TENM2: variants seen among roughly 807,000 people sequenced by gnomAD.
TENM2 encodes the protein teneurin-2.
Under a neutral mutation model 245.2 loss-of-function variants are expected in TENM2, and 52 were observed. The ratio of observed to expected loss-of-function variants is 0.21; its 90% CI spans 0.17 to 0.27. The LOEUF is 0.27. Ranked by LOEUF, TENM2 falls within the 10% of genes least tolerant of loss-of-function variation. The probability of loss-of-function intolerance (pLI) is 1.00; values close to 1 mark genes in which losing one functional copy is unlikely to be tolerated. For synonymous variants in TENM2, 1,363 were observed against 1,438.9 expected, an observed-to-expected ratio of 0.95 and a Z score of 1.19; for missense variants, 3,046 against 3,666.8, an observed-to-expected ratio of 0.83 and a Z score of 4.37.
chr5:167,096,997 C>T, the TENM2 span, among the ~76,000 whole-genome samples: 2 of 152,110 alleles, frequency 1.3e-5, no homozygotes, highest in Non-Finnish European at 2.9e-5. Flanking sequence ...GTCATGAAGC[C>T]TTACACACTC....
At chr5:168,251,998 A>G (rs1233017821) in intron 27 of TENM2, among the ~76,000 whole-genome samples, 1 of 152,256 alleles carries the variant, frequency 6.6e-6, no homozygotes, top group African/African-American at 2.4e-5. Flanking sequence ...GCTGCAAAGC[A>G]GCACTCTTTT....
intron 2 of TENM2, among the ~76,000 whole-genome samples, chr5:167,635,463 CAGAA>C (rs1371069725): frequency 6.6e-6 from 1 of 151,902 alleles, no homozygotes; most frequent in African/African-American, 2.4e-5. Context: ...AAACTAAACT[CAGAA>C]AGGTACCACT....
At chr5:167,728,904 C>G (rs1042195239) in intron 2 of TENM2, 1 of 152,254 alleles carries the variant, frequency 6.6e-6, no homozygotes, top group Non-Finnish European at 1.5e-5. Context: ...AGGCAGTTGT[C>G]AGGAGGAGAT....
chr5:167,438,954 C>T (rs1764732922), intron 2 of TENM2, among the ~76,000 whole-genome samples: 2 of 152,142 alleles, frequency 1.3e-5, no homozygotes, highest in South Asian at 2.1e-4. Flanking sequence ...CCACCACGCT[C>T]GGCTAGTTTT....
chr5:167,482,780 T>C (rs893417414), intron 2 of TENM2, among the ~76,000 whole-genome samples: 2 of 152,202 alleles, frequency 1.3e-5, no homozygotes, highest in Non-Finnish European at 2.9e-5. Context: ...ACCTCTCTCA[T>C]AGGGCAACAG....
intron 2 of TENM2, among the ~76,000 whole-genome samples, chr5:167,814,064 T>G (rs1016632815): frequency 2.0e-5 from 3 of 152,132 alleles, no homozygotes; most frequent in African/African-American, 7.2e-5. Flanking sequence ...TGCTCAAGGC[T>G]AGTTCAATGA....
At chr5:167,318,959 T>A (rs1756547713) in intron 1 of TENM2, among the ~76,000 whole-genome samples, 1 of 152,220 alleles carries the variant, frequency 6.6e-6, no homozygotes, top group South Asian at 2.1e-4. Context: ...GTTGGAATAA[T>A]ATTTCCTTAG....
the TENM2 span, among the ~76,000 whole-genome samples, chr5:166,979,224 G>GCAGCAA: frequency 1.1e-4 from 17 of 148,986 alleles, no homozygotes; most frequent in Non-Finnish European, 7.5e-5. Context: ...AGCAGCAGCA[G>GCAGCAA]CAGCAGCAGC....
the TENM2 span, among the ~76,000 whole-genome samples, chr5:167,160,843 A>C: frequency 6.6e-6 from 1 of 152,246 alleles, no homozygotes; most frequent in Non-Finnish European, 1.5e-5. Context: ...TAGAACACCA[A>C]GGAAGCTCAG....
chr5:167,400,523 G>T (rs1180100702), intron 2 of TENM2, among the ~76,000 whole-genome samples: 1 of 152,080 alleles, frequency 6.6e-6, no homozygotes, highest in Admixed American at 6.6e-5. Flanking sequence ...GTGGAAATAG[G>T]CACTTGGAAA....
At chr5:167,742,847 A>T (rs1471519738) in intron 2 of TENM2, among the ~76,000 whole-genome samples, 1 of 151,966 alleles carries the variant, frequency 6.6e-6, no homozygotes, top group East Asian at 1.9e-4. Flanking sequence ...ATGTGCCTAT[A>T]GTCCCAGCTA....
In TENM2 at chr5:167,300,225, C is replaced by T. The variant is rs573344767; in HGVS notation, c.226+15162C>T. Among the ~76,000 whole-genome samples, 252 of 152,124 alleles carry T rather than the reference C, an allele frequency of 1.7e-3. 2 individuals are homozygous for T. Among genetic ancestry groups the T allele is most frequent in the South Asian group, 1.5e-3 (7 of 4,818 alleles). The stretch of plus-strand genomic sequence containing the variant: ...ACGTGTGTTTTTATGAGAATTATGC[C>T]GAGATGGGTAACAGATGAGGATGAA... On this transcript the variant is annotated intron_variant, in intron 1 of 28. Coordinates refer to ENST00000518659, the Ensembl canonical transcript of TENM2.
chr5:167,691,311 C>T (rs1248334859), intron 2 of TENM2, among the ~76,000 whole-genome samples: 1 of 152,034 alleles, frequency 6.6e-6, no homozygotes, highest in Non-Finnish European at 1.5e-5. Flanking sequence ...CCTCTGACTG[C>T]AGAAATACTC....
intron 3 of TENM2, among the ~76,000 whole-genome samples, chr5:167,916,833 C>A (rs1457274224): frequency 6.6e-6 from 1 of 152,348 alleles, no homozygotes; most frequent in East Asian, 1.9e-4. Context: ...TTGGGGTAAG[C>A]AAAACCATCA....
At chr5:167,741,379 A>T (rs1761164670) in intron 2 of TENM2, among the ~76,000 whole-genome samples, 1 of 152,204 alleles carries the variant, frequency 6.6e-6, no homozygotes. Context: ...GAAAAATAAG[A>T]TTCATGATCT....
At chr5:168,082,524 A>G (rs1451710591) in intron 7 of TENM2, among the ~76,000 whole-genome samples, 1 of 152,206 alleles carries the variant, frequency 6.6e-6, no homozygotes, top group African/African-American at 2.4e-5. Context: ...TCTGATTTTT[A>G]GAATTTTCAG....
At chr5:167,937,841 T>C (rs1170718763) in intron 3 of TENM2, 4 of 152,168 alleles carry the variant, frequency 2.6e-5, no homozygotes, top group African/African-American at 4.8e-5. Flanking sequence ...ACTGGATGAT[T>C]GGAGGAAACC....
intron 2 of TENM2, among the ~76,000 whole-genome samples, chr5:167,618,905 G>T (rs896237760): frequency 1.3e-5 from 2 of 152,108 alleles, no homozygotes; most frequent in Non-Finnish European, 2.9e-5. Context: ...CCTAGTTAGG[G>T]AGTTTAGGCA....
intron 6 of TENM2, among the ~76,000 whole-genome samples, chr5:168,056,389 A>AAAAACTTTTCTTTTGCT (rs1160130352): frequency 6.6e-6 from 1 of 152,228 alleles, no homozygotes; most frequent in Non-Finnish European, 1.5e-5. Flanking sequence ...AAAGTATATA[A>AAAAACTTTTCTTTTGCT]AAAACTTTTC....
Sources: gnomAD v4.1 joint callset for allele counts (sites outside exome capture counted in the v4.1 genomes callset) on GRCh38, gnomAD v4.1.1 for gene constraint, MANE v1.5 for transcripts, NCBI Gene and HGNC (gene_info 2026-07-23, HGNC 2026-07-21) for gene names.